Variants in SNCAIP observed in about 807,000 individuals in gnomAD.
SNCAIP encodes the protein synphilin-1.
In SNCAIP, 43 loss-of-function variants were observed where a neutral mutation model predicts 86.7. That is an observed-to-expected ratio of 0.50 (90% CI 0.39 to 0.64). SNCAIP has a LOEUF of 0.64. SNCAIP is among the 30% of genes least tolerant of loss of function. The probability of loss-of-function intolerance (pLI) is 0.00; values close to 1 mark genes in which losing one functional copy is unlikely to be tolerated. For missense variants in SNCAIP, 981 were observed against 1,103.1 expected, an observed-to-expected ratio of 0.89 and a Z score of 1.57; for synonymous variants, 417 against 427.2, an observed-to-expected ratio of 0.98 and a Z score of 0.29.
At chr5:122,356,365 G>T (rs1217079671) in intron 1 of SNCAIP, among the ~76,000 whole-genome samples, 1 of 151,970 alleles carries the variant, frequency 6.6e-6, no homozygotes, top group South Asian at 2.1e-4. Flanking sequence ...CAGTCCTTCT[G>T]CCCTGGCCTC....
chr5:122,395,197 T>C (rs1212460786), intron 2 of SNCAIP, among the ~76,000 whole-genome samples: 2 of 152,182 alleles, frequency 1.3e-5, no homozygotes, highest in Admixed American at 1.3e-4. Context: ...TACCTCAACA[T>C]TCCCATCCGT....
intron 1 of SNCAIP, among the ~76,000 whole-genome samples, chr5:122,366,817 A>G (rs1763295152): frequency 6.6e-6 from 1 of 152,092 alleles, no homozygotes; most frequent in South Asian, 2.1e-4. Flanking sequence ...GGTTTTCAAC[A>G]GGGAAGTGGC....
intron 1 of SNCAIP, among the ~76,000 whole-genome samples, chr5:122,318,384 G>A (rs1171979884): frequency 1.3e-5 from 2 of 152,088 alleles, no homozygotes; most frequent in Non-Finnish European, 2.9e-5. Flanking sequence ...TTATCCTGTG[G>A]TACGTATGGC....
intron 2 of SNCAIP, among the ~76,000 whole-genome samples, chr5:122,392,879 T>G (rs1381838784): frequency 6.6e-6 from 1 of 152,166 alleles, no homozygotes; most frequent in Non-Finnish European, 1.5e-5. Context: ...ATATGACCAA[T>G]GGTGAAGAAA....
chr5:122,450,228 T>G (rs1186009024), intron 9 of SNCAIP, among the ~76,000 whole-genome samples: 1 of 151,914 alleles, frequency 6.6e-6, no homozygotes, highest in African/African-American at 2.4e-5. Context: ...GAATAGGAGA[T>G]ATATATATAT....
chr5:122,368,558 G>C (rs960928537), intron 1 of SNCAIP, among the ~76,000 whole-genome samples: 11 of 152,180 alleles, frequency 7.2e-5, no homozygotes, highest in Non-Finnish European at 1.5e-4. Flanking sequence ...AAGCGACTCA[G>C]CCTTAGTGAA....
At chr5:122,444,535 G>A in intron 7 of SNCAIP, 28 bp from the exon 8 acceptor site, 1 of 1,598,040 alleles carries the variant, frequency 6.3e-7, no homozygotes, top group East Asian at 2.2e-5. Context: ...GAGATGTCCT[G>A]ATACACATGT....
rs1020438219 is a variant in SNCAIP, at chr5:122,451,321, T to C, written c.2474T>C (p.Met825Thr). ...ACCTTTGAGGAGCCTGTGGTGCAGA[T>C]GGAGCAGCCTAGCCTTGAACTGAAT... ...RVTFEEPVVQMEQPSLELNGE... is the reference protein window; with the variant it reads ...RVTFEEPVVQTEQPSLELNGE... Residue 825 changes from methionine (M) to threonine (T), a missense_variant, in exon 10 of 11, where the codon ATG becomes ACG. Physicochemically the swap from Met to Thr is moderately conservative, Grantham distance 81. Transcript: ENST00000261368. 6.2e-7 allele frequency: 1 copy of C among 1,614,192 alleles called. No homozygotes were observed.
chr5:122,408,338 C>T (rs61202150), intron 3 of SNCAIP, among the ~76,000 whole-genome samples: 2,064 of 152,216 alleles, frequency 0.014, 40 homozygotes, highest in African/African-American at 0.045. Context: ...TAAAACAAGC[C>T]GTGTTTGTGG....
intron 3 of SNCAIP, among the ~76,000 whole-genome samples, chr5:122,410,992 A>T (rs1304290523): frequency 6.6e-6 from 1 of 152,222 alleles, no homozygotes; most frequent in Non-Finnish European, 1.5e-5. Flanking sequence ...CAGTGGAATT[A>T]AGAAAGGAAC....
chr5:122,327,116 A>C (rs992582280), intron 1 of SNCAIP, among the ~76,000 whole-genome samples: 17 of 151,874 alleles, frequency 1.1e-4, no homozygotes, highest in African/African-American at 3.9e-4. Flanking sequence ...TTTTGCCTCA[A>C]GTGAAATAAA....
chr5:122,402,499 G>C (rs920189694), intron 2 of SNCAIP, among the ~76,000 whole-genome samples: 1 of 152,114 alleles, frequency 6.6e-6, no homozygotes, highest in African/African-American at 2.4e-5. Flanking sequence ...TCCCTAATTA[G>C]TCATTTGAGA....
intron 10 of SNCAIP, chr5:122,452,861 G>A (rs1282729301): frequency 3.0e-6 from 3 of 1,003,354 alleles, no homozygotes; most frequent in Admixed American, 4.0e-5. Flanking sequence ...CATGTTTACT[G>A]GGACTTGTGC....
chr5:122,459,043 G>A (rs923829285), intron 10 of SNCAIP, among the ~76,000 whole-genome samples: 2 of 152,252 alleles, frequency 1.3e-5, no homozygotes, highest in East Asian at 1.9e-4. Flanking sequence ...GGGAAAAATG[G>A]TGTGTTCTTT....
intron 1 of SNCAIP, among the ~76,000 whole-genome samples, chr5:122,322,603 A>G (rs1753180940): frequency 6.6e-6 from 1 of 152,186 alleles, no homozygotes; most frequent in Non-Finnish European, 1.5e-5. Context: ...TGCATACAGG[A>G]AAAATAAATC....
At chr5:122,425,321 CT>C (rs1777142480) in intron 4 of SNCAIP, 30 bp from the exon 5 acceptor site, 1 of 1,574,434 alleles carries the variant, frequency 6.4e-7, no homozygotes, top group Non-Finnish European at 8.7e-7. Flanking sequence ...GATTTATTGA[CT>C]TGGGTTTTCT....
intron 1 of SNCAIP, among the ~76,000 whole-genome samples, chr5:122,314,365 A>T (rs67930361): frequency 0.12 from 17,701 of 152,270 alleles, 1,345 homozygotes; most frequent in East Asian, 0.16. Flanking sequence ...GTGCATCATT[A>T]TAGGAAACAC....
intron 3 of SNCAIP, among the ~76,000 whole-genome samples, chr5:122,421,980 A>T (rs1776453040): frequency 6.7e-6 from 1 of 149,894 alleles, no homozygotes. Context: ...ACCAACACAC[A>T]ATCTTTATCC....
chr5:122,431,151 ATGC>A (rs910127712), intron 5 of SNCAIP, among the ~76,000 whole-genome samples: 6 of 152,116 alleles, frequency 3.9e-5, no homozygotes, highest in Admixed American at 3.9e-4. Flanking sequence ...TGCTCATATG[ATGC>A]TGGTGGTGAT....
Sources: allele counts gnomAD v4.1 joint callset (sites outside exome capture counted in the v4.1 genomes callset), GRCh38; gene constraint gnomAD v4.1.1; transcripts MANE v1.5; gene names NCBI Gene and HGNC (gene_info 2026-07-23, HGNC 2026-07-21).